RANBP2: variants seen among roughly 807,000 people sequenced by gnomAD.
The protein encoded by RANBP2 is RAN binding protein 2.
RANBP2 carries 57 observed loss-of-function variants against 303.6 expected under a neutral mutation model. The ratio of observed to expected loss-of-function variants is 0.19; its 90% CI spans 0.15 to 0.23. RANBP2 has a LOEUF of 0.23. Ranked by LOEUF, RANBP2 falls within the 10% of genes least tolerant of loss-of-function variation. The pLI is 1.00. For missense variants in RANBP2, 3,138 were observed against 3,780.8 expected (o/e 0.83, Z 4.46); for synonymous variants, 1,167 against 1,301.5 (o/e 0.90, Z 2.23).
chr2:109,475,288 T>A, the RANBP2 span, among the ~76,000 whole-genome samples: 2 of 152,236 alleles, frequency 1.3e-5, no homozygotes, highest in Non-Finnish European at 2.9e-5. Flanking sequence ...CAGTATTATC[T>A]TAAATCTCCG....
At chr2:109,182,641 G>A in the RANBP2 span, among the ~76,000 whole-genome samples, 1 of 152,244 alleles carries the variant, frequency 6.6e-6, no homozygotes, top group Non-Finnish European at 1.5e-5. Context: ...GAATGAATGA[G>A]TGGGTAAGTA....
At chr2:109,664,916 G>C in the RANBP2 span, among the ~76,000 whole-genome samples, 1 of 150,050 alleles carries the variant, frequency 6.7e-6, no homozygotes, top group Non-Finnish European at 1.5e-5. Flanking sequence ...GGCAACAAGA[G>C]CAAAATTCTG....
the RANBP2 span, among the ~76,000 whole-genome samples, chr2:108,795,099 T>A: frequency 6.6e-6 from 1 of 151,898 alleles, no homozygotes; most frequent in African/African-American, 2.4e-5. Context: ...AAAATTGAAC[T>A]CTTAACATTT....
chr2:109,277,054 G>A, the RANBP2 span, among the ~76,000 whole-genome samples: 1 of 152,210 alleles, frequency 6.6e-6, no homozygotes, highest in Non-Finnish European at 1.5e-5. Flanking sequence ...ACCATGCTCT[G>A]TGCTGGGATA....
At chr2:109,032,154 C>T in the RANBP2 span, among the ~76,000 whole-genome samples, 1 of 152,132 alleles carries the variant, frequency 6.6e-6, no homozygotes, top group Non-Finnish European at 1.5e-5. Context: ...GCGCTGCCCA[C>T]CTTCCCCCTG....
At chr2:109,289,764 T>C in the RANBP2 span, among the ~76,000 whole-genome samples, 1 of 152,196 alleles carries the variant, frequency 6.6e-6, no homozygotes, top group Non-Finnish European at 1.5e-5. Flanking sequence ...AAATACACTT[T>C]TTTTTTTAAG....
chr2:108,780,791 C>G (rs951681845), intron 25 of RANBP2, among the ~76,000 whole-genome samples: 5 of 151,854 alleles, frequency 3.3e-5, no homozygotes, highest in Non-Finnish European at 2.9e-5. Context: ...CTCACCGCAA[C>G]CTCCGCCTCC....
At chr2:109,546,089 G>T in the RANBP2 span, 3 of 1,603,700 alleles carry the variant, frequency 1.9e-6, no homozygotes, top group Non-Finnish European at 2.6e-6. Context: ...GCTGCCTGTT[G>T]CCAGAAAGGA....
chr2:109,104,086 TTC>T, the RANBP2 span, among the ~76,000 whole-genome samples: 4 of 152,154 alleles, frequency 2.6e-5, no homozygotes, highest in African/African-American at 7.2e-5. Context: ...GAGCCACCAT[TTC>T]GGCGAAGATT....
chr2:109,183,466 C>T, the RANBP2 span, among the ~76,000 whole-genome samples: 7 of 152,150 alleles, frequency 4.6e-5, no homozygotes, highest in Admixed American at 4.6e-4. Context: ...CAGTAAAGAT[C>T]TGGAAATTGA....
the RANBP2 span, among the ~76,000 whole-genome samples, chr2:109,282,979 C>A: frequency 6.6e-6 from 1 of 152,118 alleles, no homozygotes; most frequent in Non-Finnish European, 1.5e-5. Context: ...GGGTCCTACT[C>A]CCTCACGTGG....
the RANBP2 span, among the ~76,000 whole-genome samples, chr2:108,963,928 C>A: frequency 6.6e-6 from 1 of 152,198 alleles, no homozygotes; most frequent in African/African-American, 2.4e-5. Flanking sequence ...CTGGCTGGAG[C>A]ATGGGCCAAT....
At chr2:108,810,911 C>T in the RANBP2 span, among the ~76,000 whole-genome samples, 1 of 152,018 alleles carries the variant, frequency 6.6e-6, no homozygotes, top group Non-Finnish European at 1.5e-5. Context: ...TTCAGTCTTA[C>T]GTTATATGTG....
the RANBP2 span, among the ~76,000 whole-genome samples, chr2:109,486,084 AG>A: frequency 6.6e-6 from 1 of 152,220 alleles, no homozygotes; most frequent in Admixed American, 6.5e-5. Context: ...GGCACTGAGT[AG>A]GTGTTAGTAA....
the RANBP2 span, among the ~76,000 whole-genome samples, chr2:108,990,455 A>T: frequency 1.1e-4 from 17 of 151,116 alleles, no homozygotes; most frequent in African/African-American, 3.6e-4. Flanking sequence ...AAAAAAAAAA[A>T]AAATATACAA....
chr2:108,805,009 G>T, the RANBP2 span: 1 of 1,502,170 alleles, frequency 6.7e-7, no homozygotes, highest in Non-Finnish European at 8.9e-7. Context: ...AAAAAAACAG[G>T]TAAGACCTGT....
chr2:108,786,798 G>T (rs367928075), downstream of RANBP2: 133 of 1,570,406 alleles, frequency 8.5e-5, no homozygotes, highest in Non-Finnish European at 1.1e-4. Context: ...GGTTCCCGGG[G>T]AGACTGGTAC....
At chr2:108,912,913 T>C in the RANBP2 span, 1 of 719,032 alleles carries the variant, frequency 1.4e-6, no homozygotes, top group Non-Finnish European at 2.5e-6. Flanking sequence ...TTTCTTAGAC[T>C]GTTTAATGAA....
At chr2:109,448,811 C>T in the RANBP2 span, among the ~76,000 whole-genome samples, 3,975 of 152,244 alleles carry the variant, frequency 0.026, 166 homozygotes, top group African/African-American at 0.089. Context: ...TTCCACAAAA[C>T]GGGTCCTTGG....
Sources: gnomAD v4.1 joint callset for allele counts (sites outside exome capture counted in the v4.1 genomes callset) on GRCh38, gnomAD v4.1.1 for gene constraint, MANE v1.5 for transcripts, NCBI Gene and HGNC (gene_info 2026-07-23, HGNC 2026-07-21) for gene names.